The following ATP13A4 variants were observed in gnomAD, a reference collection of about 807,000 sequenced individuals.
The protein encoded by ATP13A4 is probable cation-transporting ATPase 13A4.
ATP13A4 carries 114 observed loss-of-function variants against 142.5 expected under a neutral mutation model. The ratio of observed to expected loss-of-function variants is 0.80; its 90% CI spans 0.69 to 0.93. The LOEUF (loss-of-function observed/expected upper bound fraction) is 0.93, where lower values mean the gene tolerates loss of function less well. ATP13A4 is among the 40% of genes least tolerant of loss of function. ATP13A4 has a pLI of 0.00. For synonymous variants in ATP13A4, 488 were observed against 514.8 expected, an observed-to-expected ratio of 0.95 and a Z score of 0.70; for missense variants, 1,392 against 1,454.0, an observed-to-expected ratio of 0.96 and a Z score of 0.69.
chr3:193,492,036 G>A (rs139337305), intron 5 of ATP13A4, among the ~76,000 whole-genome samples: 176 of 152,244 alleles, frequency 1.2e-3, no homozygotes, highest in African/African-American at 4.1e-3. Context: ...CTTCCACCTC[G>A]ATGCTCAGAT....
intron 26 of ATP13A4, among the ~76,000 whole-genome samples, chr3:193,412,610 TGAGA>T (rs372985489): frequency 5.2e-4 from 72 of 137,374 alleles, no homozygotes; most frequent in Middle Eastern, 3.5e-3. Context: ...TTGGATACAT[TGAGA>T]GAGAGAGAGA....
chr3:193,438,247 TA>T (rs1716414780), intron 23 of ATP13A4, among the ~76,000 whole-genome samples: 1 of 152,176 alleles, frequency 6.6e-6, no homozygotes, highest in Non-Finnish European at 1.5e-5. Context: ...TCCAATCTTC[TA>T]AAAATAACCT....
chr3:193,506,298 G>A (rs1355876923), intron 2 of ATP13A4, among the ~76,000 whole-genome samples: 1 of 152,170 alleles, frequency 6.6e-6, no homozygotes, highest in African/African-American at 2.4e-5. Flanking sequence ...AATGCAAAGT[G>A]CTTGCCTGGC....
intron 28 of ATP13A4, 110 bp from the exon 29 acceptor site, chr3:193,407,503 T>TACACAC: frequency 1.4e-6 from 1 of 735,828 alleles, no homozygotes; most frequent in Non-Finnish European, 2.4e-6. Context: ...ATATGTAATA[T>TACACAC]ATATGTGTGT....
chr3:193,515,849 T>C (rs1721380409), intron 1 of ATP13A4, among the ~76,000 whole-genome samples: 1 of 152,224 alleles, frequency 6.6e-6, no homozygotes, highest in Admixed American at 6.5e-5. Context: ...GTGTCCTGGT[T>C]AAAAGCACAT....
Position 193,470,996 on chromosome 3 carries a change from G to A in ATP13A4, c.809-3C>T, listed in dbSNP as rs1197514106. The A allele has an allele frequency of 6.2e-7, 1 of 1,614,148 alleles. No individual in the cohort carries two copies. Among genetic ancestry groups the A allele is most frequent in the South Asian group, 1.1e-5 (1 of 91,082 alleles). On this transcript the variant is annotated splice_region_variant and splice_polypyrimidine_tract_variant and intron_variant, in intron 8 of 29. Transcript: ENST00000342695. ...TGATTCCAGCTCTTGAACTCCAGCT[G>A]AAAGTGGGAGGAGACAGAGTTGAGT...
Position 193,492,911 on chromosome 3 carries a change from T to C in ATP13A4, c.533+6A>G, listed in dbSNP as rs1014257040. 26 of 1,594,526 alleles carry C rather than the reference T, an allele frequency of 1.6e-5. No homozygotes were observed. Among genetic ancestry groups the C allele is most frequent in the Non-Finnish European group, 2.0e-5 (23 of 1,163,536 alleles). ...GAGCTAGTATAGGCAATAATATGCATGGTACCTAATCTCCTGTTCTTCTCT... is the reference window on the plus strand; with the variant it reads ...GAGCTAGTATAGGCAATAATATGCACGGTACCTAATCTCCTGTTCTTCTCT... On this transcript the variant is annotated splice_donor_region_variant and intron_variant, in intron 5 of 29. Transcript: ENST00000342695.
chr3:193,512,162 G>A (rs1721174685), intron 2 of ATP13A4, among the ~76,000 whole-genome samples: 1 of 152,156 alleles, frequency 6.6e-6, no homozygotes, highest in Admixed American at 6.5e-5. Flanking sequence ...TACCCTCTGA[G>A]AACTAGTTGA....
intron 29 of ATP13A4, among the ~76,000 whole-genome samples, chr3:193,405,052 C>T (rs766784361): frequency 1.3e-5 from 2 of 152,152 alleles, no homozygotes; most frequent in Admixed American, 6.6e-5. Flanking sequence ...CCTGCTCAAA[C>T]CTGTTTGTTT....
intron 25 of ATP13A4, among the ~76,000 whole-genome samples, chr3:193,415,458 G>A (rs1265296664): frequency 6.6e-6 from 1 of 152,194 alleles, no homozygotes; most frequent in African/African-American, 2.4e-5. Flanking sequence ...AGGATCACAG[G>A]AAAGTTTTGT....
At chr3:193,581,432 C>T (rs1160110527) in intron 2 of ATP13A4, among the ~76,000 whole-genome samples, 1 of 152,182 alleles carries the variant, frequency 6.6e-6, no homozygotes, top group Non-Finnish European at 1.5e-5. Context: ...CAACATGTCA[C>T]TGAACGCAGA....
Position 193,419,972 on chromosome 3 carries a change from T to C in ATP13A4, c.2843-5222A>G, listed in dbSNP as rs1253198035. Among the ~76,000 whole-genome samples the C allele has an allele frequency of 4.0e-5, 6 of 150,050 alleles. 1 individual carries two copies. Among genetic ancestry groups the C allele is most frequent in the African/African-American group, 1.5e-4 (6 of 40,806 alleles). On this transcript the variant is annotated intron_variant, in intron 25 of 29. Coordinates refer to ENST00000342695, the MANE Select transcript of ATP13A4 (RefSeq NM_032279.4). ...TCATCTCAGGGTCCAAGGTCACCACTGGATGGTGCTTCATCTCCCAGGGAA... is the reference window on the plus strand; with the variant it reads ...TCATCTCAGGGTCCAAGGTCACCACCGGATGGTGCTTCATCTCCCAGGGAA...
intron 25 of ATP13A4, among the ~76,000 whole-genome samples, chr3:193,425,791 ATTG>A (rs888125029): frequency 7.9e-5 from 12 of 151,774 alleles, no homozygotes; most frequent in African/African-American, 2.4e-4. Context: ...AATAAGTTCT[ATTG>A]TTCTATTGCA....
chr3:193,435,821 A>T (rs1331149590), intron 23 of ATP13A4, 77 bp from the exon 24 acceptor site: 1 of 1,304,646 alleles, frequency 7.7e-7, no homozygotes, highest in Non-Finnish European at 1.1e-6. Flanking sequence ...CTGTTCAGCT[A>T]AGCTCAGGAG....
chr3:193,523,234 G>A (rs566577649), intron 1 of ATP13A4, among the ~76,000 whole-genome samples: 1 of 152,120 alleles, frequency 6.6e-6, no homozygotes, highest in South Asian at 2.1e-4. Flanking sequence ...AACCTGGGAA[G>A]CGGAAGTTGT....
intron 3 of ATP13A4, among the ~76,000 whole-genome samples, chr3:193,496,868 CAGA>C (rs1327423839): frequency 6.6e-6 from 1 of 151,648 alleles, no homozygotes; most frequent in African/African-American, 2.4e-5. Flanking sequence ...AATCCACATG[CAGA>C]AGAATTAAGC....
chr3:193,534,375 A>T (rs972210287), intron 1 of ATP13A4, among the ~76,000 whole-genome samples: 1 of 152,194 alleles, frequency 6.6e-6, no homozygotes, highest in Non-Finnish European at 1.5e-5. Context: ...AAACTGAAAG[A>T]AAAAAGACAA....
intron 26 of ATP13A4, among the ~76,000 whole-genome samples, chr3:193,412,868 A>C (rs1050088183): frequency 1.3e-5 from 2 of 152,264 alleles, no homozygotes; most frequent in African/African-American, 4.8e-5. Flanking sequence ...CTAAAAATAC[A>C]AAAAAATTAG....
At chr3:193,428,097 A>G (rs1475902208) in intron 25 of ATP13A4, among the ~76,000 whole-genome samples, 9 of 152,090 alleles carry the variant, frequency 5.9e-5, no homozygotes, top group East Asian at 5.8e-4. Context: ...TTTACAAGAA[A>G]AAAACAAACA....
Sources: gnomAD v4.1 joint callset for allele counts (sites outside exome capture counted in the v4.1 genomes callset) on GRCh38, gnomAD v4.1.1 for gene constraint, MANE v1.5 for transcripts, NCBI Gene and HGNC (gene_info 2026-07-23, HGNC 2026-07-21) for gene names.